PDE4B: variants seen among roughly 807,000 people sequenced by gnomAD.
PDE4B encodes phosphodiesterase 4B, also known as 3',5'-cyclic-AMP phosphodiesterase 4B.
PDE4B carries 20 observed loss-of-function variants against 82.2 expected under a neutral mutation model. The ratio of observed to expected loss-of-function variants is 0.24; its 90% CI spans 0.17 to 0.35. The LOEUF is 0.35. PDE4B is among the 10% of genes least tolerant of loss of function. The probability of loss-of-function intolerance (pLI) is 1.00; values close to 1 mark genes in which losing one functional copy is unlikely to be tolerated. For synonymous variants in PDE4B, 320 were observed against 318.9 expected (o/e 1.00, Z -0.04); for missense variants, 655 against 907.2 (o/e 0.72, Z 3.57).
chr1:66,296,457 G>A (rs1423715397), intron 7 of PDE4B, among the ~76,000 whole-genome samples: 1 of 152,180 alleles, frequency 6.6e-6, no homozygotes, highest in Non-Finnish European at 1.5e-5. Context: ...AGATAATGTA[G>A]CAAAGTAGCT....
intron 8 of PDE4B, among the ~76,000 whole-genome samples, chr1:66,337,033 G>A (rs1015005946): frequency 6.6e-6 from 1 of 152,196 alleles, no homozygotes; most frequent in African/African-American, 2.4e-5. Context: ...AATAACTATG[G>A]AAAATGCCAG....
chr1:66,073,363 A>G (rs1500958), intron 3 of PDE4B, among the ~76,000 whole-genome samples: 127,980 of 152,164 alleles, frequency 0.84, 53,994 homozygotes, highest in Non-Finnish European at 0.87. Flanking sequence ...TTATTATGGT[A>G]AGAATTCAAT....
chr1:65,942,770 T>C (rs1648512684), intron 3 of PDE4B, among the ~76,000 whole-genome samples: 1 of 151,176 alleles, frequency 6.6e-6, no homozygotes, highest in East Asian at 1.9e-4. Flanking sequence ...ATTTCTCTGA[T>C]GATTAGTGAT....
chr1:65,866,136 G>A (rs1225121516), intron 1 of PDE4B, among the ~76,000 whole-genome samples: 1 of 151,814 alleles, frequency 6.6e-6, no homozygotes, highest in Non-Finnish European at 1.5e-5. Context: ...GAAAGGGAGG[G>A]GTTAATCATT....
At chr1:65,839,079 A>T (rs1441060981) in intron 1 of PDE4B, among the ~76,000 whole-genome samples, 1 of 152,048 alleles carries the variant, frequency 6.6e-6, no homozygotes, top group Non-Finnish European at 1.5e-5. Flanking sequence ...TTTTTGCTGT[A>T]TACTTTAGGA....
chr1:66,239,766 T>C (rs998949064), intron 3 of PDE4B, among the ~76,000 whole-genome samples: 2 of 152,240 alleles, frequency 1.3e-5, no homozygotes, highest in Non-Finnish European at 2.9e-5. Flanking sequence ...TAAAAAATGA[T>C]ACTTAACAAT....
At chr1:65,901,169 G>A (rs1646968346) in intron 1 of PDE4B, among the ~76,000 whole-genome samples, 1 of 151,988 alleles carries the variant, frequency 6.6e-6, no homozygotes, top group African/African-American at 2.4e-5. Context: ...ATGAAGGGAT[G>A]TTGGATTTTA....
intron 1 of PDE4B, among the ~76,000 whole-genome samples, chr1:65,872,604 A>G (rs1339908987): frequency 6.6e-6 from 1 of 152,236 alleles, no homozygotes; most frequent in Admixed American, 6.5e-5. Context: ...AAAAGCAGCT[A>G]TTAAGCATCA....
At chr1:65,811,662 G>A (rs1213517997) in intron 1 of PDE4B, among the ~76,000 whole-genome samples, 1 of 152,104 alleles carries the variant, frequency 6.6e-6, no homozygotes, top group Non-Finnish European at 1.5e-5. Context: ...AATGTGAGGA[G>A]TGAGTTAACA....
In PDE4B at chr1:66,147,688, T is replaced by G. The variant is rs565715751; in HGVS notation, c.282-99772T>G. ...CAAATTATAGATGGCAGTAATAGGG[T>G]GCTTCCAGTGGGGCGTTTCTTAGCC... On this transcript the variant is annotated intron_variant, in intron 3 of 16. Coordinates refer to ENST00000341517, the MANE Select transcript of PDE4B (RefSeq NM_002600.4). Among the ~76,000 whole-genome samples, 22 of 152,298 alleles carry G rather than the reference T, an allele frequency of 1.4e-4. No homozygotes were observed. In the East Asian group the frequency reaches 4.1e-3, roughly 28 times the overall value.
At chr1:66,316,589 C>T (rs1659045362) in intron 7 of PDE4B, among the ~76,000 whole-genome samples, 1 of 152,168 alleles carries the variant, frequency 6.6e-6, no homozygotes, top group South Asian at 2.1e-4. Flanking sequence ...TTGATTTAAG[C>T]CAATATTTTC....
chr1:66,155,273 C>G (rs918023698), intron 3 of PDE4B, among the ~76,000 whole-genome samples: 2 of 151,894 alleles, frequency 1.3e-5, no homozygotes. Flanking sequence ...AGACTCATTC[C>G]ATTTTCCTCT....
intron 1 of PDE4B, among the ~76,000 whole-genome samples, chr1:65,798,238 CTTTTTTTTTTTTTTT>C (rs781315273): frequency 4.4e-5 from 1 of 22,670 alleles, no homozygotes; most frequent in Non-Finnish European, 6.6e-5. Context: ...CCAGGCTAGT[CTTTTTTTTTTTTTTT>C]TTTTTTTTTT....
intron 3 of PDE4B, among the ~76,000 whole-genome samples, chr1:66,010,628 ATCTG>A (rs1263599677): frequency 6.6e-6 from 1 of 151,014 alleles, no homozygotes; most frequent in Non-Finnish European, 1.5e-5. Context: ...ACCTTCTGTG[ATCTG>A]TCTTATTCCT....
In PDE4B at chr1:66,274,051, C is replaced by T. The variant is rs17128722; in HGVS notation, c.634+7964C>T. Among the ~76,000 whole-genome samples the T allele has an allele frequency of 8.2e-3, 1,249 of 152,320 alleles. 47 individuals carry two copies. In the East Asian group the frequency reaches 0.11, roughly 14 times the overall value. The stretch of plus-strand genomic sequence containing the variant: ...CTCTTAGTGCCTGGCATTGTGCTTG[C>T]CACAAAGTAGGCACTCAAGTAGCAT... On this transcript the variant is annotated intron_variant, in intron 7 of 16. Coordinates refer to ENST00000341517, the MANE Select transcript of PDE4B (RefSeq NM_002600.4).
chr1:66,226,002 G>C (rs1343205278), intron 3 of PDE4B, among the ~76,000 whole-genome samples: 1 of 152,198 alleles, frequency 6.6e-6, no homozygotes, highest in Non-Finnish European at 1.5e-5. Context: ...TTGTCATTCT[G>C]CTTCTGTATC....
chr1:66,201,765 T>G lies in PDE4B; in HGVS notation c.282-45695T>G, dbSNP rs564263386. On this transcript the variant is annotated intron_variant, in intron 3 of 16. Coordinates refer to ENST00000341517, the MANE Select transcript of PDE4B (RefSeq NM_002600.4). ...TTCTTTATTAGTCTTGCTAGCGGTCTATCAATTTTGTTGATCCTTTCAAAA... is the reference window on the plus strand; with the variant it reads ...TTCTTTATTAGTCTTGCTAGCGGTCGATCAATTTTGTTGATCCTTTCAAAA... Among the ~76,000 whole-genome samples, 3 of 152,170 alleles carry G rather than the reference T, an allele frequency of 2.0e-5. No individual in the cohort carries two copies. The South Asian group carries it at 6.2e-4, about 32-fold the overall frequency.
At chr1:66,191,646 C>T (rs1301320697) in intron 3 of PDE4B, among the ~76,000 whole-genome samples, 1 of 151,998 alleles carries the variant, frequency 6.6e-6, no homozygotes, top group Non-Finnish European at 1.5e-5. Flanking sequence ...AGGGGAGAAT[C>T]GAGAGCGTTA....
chr1:66,295,497 C>T (rs1026293133), intron 7 of PDE4B, among the ~76,000 whole-genome samples: 8 of 152,076 alleles, frequency 5.3e-5, no homozygotes, highest in Non-Finnish European at 8.8e-5. Context: ...AGTGCAATCT[C>T]GGCTCACTTC....
Sources: allele counts gnomAD v4.1 joint callset (sites outside exome capture counted in the v4.1 genomes callset), GRCh38; gene constraint gnomAD v4.1.1; transcripts MANE v1.5; gene names NCBI Gene and HGNC (gene_info 2026-07-23, HGNC 2026-07-21).